IGSF11: variants seen among roughly 807,000 people sequenced by gnomAD.
The protein encoded by IGSF11 is immunoglobulin superfamily member 11.
In IGSF11, 22 loss-of-function variants were observed where a neutral mutation model predicts 41.0. That is an observed-to-expected ratio of 0.54 (90% CI 0.38 to 0.77). The LOEUF is 0.77. Ranked by LOEUF, IGSF11 falls within the 30% of genes least tolerant of loss-of-function variation. IGSF11 has a pLI of 0.00. For missense variants in IGSF11, 444 were observed against 530.8 expected, an observed-to-expected ratio of 0.84 and a Z score of 1.61; for synonymous variants, 219 against 201.3, an observed-to-expected ratio of 1.09 and a Z score of -0.74.
chr3:119,134,794 C>T lies in IGSF11; in HGVS notation c.-14+11019G>A, dbSNP rs1269346997. 2.0e-5 allele frequency among the ~76,000 whole-genome samples: 3 copies of T among 152,286 alleles called. No individual in the cohort carries two copies. In the East Asian group the frequency reaches 5.8e-4, roughly 29 times the overall value. On this transcript the variant is annotated intron_variant, in intron 1 of 7. Transcript: ENST00000425327. ...AACAAAGCTGGAGGCATCACGCTAC[C>T]TGACTTCAAACTATACTACAAGGCT... is the stretch of plus-strand genomic sequence containing the variant.
At chr3:118,907,877 T>C (rs768816780) in intron 4 of IGSF11, among the ~76,000 whole-genome samples, 20 of 152,216 alleles carry the variant, frequency 1.3e-4, no homozygotes, top group African/African-American at 1.9e-4. Context: ...GATGCACCTA[T>C]AGAATATTTC....
chr3:119,058,475 C>A (rs1158936321), intron 1 of IGSF11, among the ~76,000 whole-genome samples: 1 of 151,492 alleles, frequency 6.6e-6, no homozygotes, highest in Non-Finnish European at 1.5e-5. Context: ...CAGGAAACAA[C>A]AGGTGCTGGA....
intron 1 of IGSF11, among the ~76,000 whole-genome samples, chr3:118,969,405 T>G (rs1933110254): frequency 6.6e-6 from 1 of 152,114 alleles, no homozygotes; most frequent in Non-Finnish European, 1.5e-5. Flanking sequence ...AGTCTCCCAG[T>G]AGACACTAGG....
chr3:119,043,148 G>A (rs1007731857), intron 1 of IGSF11, among the ~76,000 whole-genome samples: 2 of 152,206 alleles, frequency 1.3e-5, no homozygotes, highest in Admixed American at 6.5e-5. Flanking sequence ...ACAATGGCAA[G>A]CCTTTAGCCT....
intron 1 of IGSF11, among the ~76,000 whole-genome samples, chr3:119,126,102 G>C (rs2077401865): frequency 6.6e-6 from 1 of 152,240 alleles, no homozygotes; most frequent in Non-Finnish European, 1.5e-5. Flanking sequence ...CCAGCACTGG[G>C]ACTCACAACT....
At chr3:118,918,846 T>A (rs1262197603) in intron 4 of IGSF11, among the ~76,000 whole-genome samples, 1 of 135,056 alleles carries the variant, frequency 7.4e-6, no homozygotes, top group African/African-American at 3.1e-5. Flanking sequence ...TCACACTACC[T>A]GACTTCAAAC....
chr3:118,928,510 T>C lies in IGSF11; in HGVS notation c.423A>G (p.Leu141=), dbSNP rs774898918. The C allele has an allele frequency of 1.3e-5, 21 of 1,611,108 alleles. No individual in the cohort carries two copies. In the East Asian group the frequency reaches 3.1e-4, roughly 24 times the overall value. Reference sequence around the variant, plus strand: ...GCCAAGGACTCTTGTGTCACTCACCTAACACTGTGAGACCGGTGACCCCAA... The same window carrying C: ...GCCAAGGACTCTTGTGTCACTCACCCAACACTGTGAGACCGGTGACCCCAA... The part of the protein sequence containing the change: ...RNIGVTGLTV[L]VPPSAPHCQI... The change falls in exon 3 of 7, where the codon TTA becomes TTG. Residue 141 remains leucine, a splice_region_variant and synonymous_variant. Transcript: ENST00000393775.
chr3:119,111,777 T>C (rs1214986992), intron 1 of IGSF11, among the ~76,000 whole-genome samples: 1 of 152,220 alleles, frequency 6.6e-6, no homozygotes, highest in African/African-American at 2.4e-5. Context: ...TTGGTGTGGA[T>C]GTTCTTTCTG....
intron 1 of IGSF11, among the ~76,000 whole-genome samples, chr3:118,996,163 A>G (rs1936253629): frequency 6.6e-6 from 1 of 152,234 alleles, no homozygotes; most frequent in South Asian, 2.1e-4. Flanking sequence ...ATCTAAAGAT[A>G]CTTCAAACTT....
In IGSF11 at chr3:119,118,490, A is replaced by G. The variant is rs202246004; in HGVS notation, c.-13-13285T>C. Reference sequence around the variant, plus strand: ...CAAGTCCCTAGGCTGCACACAGCACAGGAACCTTGGGCTCAGCCCACAAAA... The same window carrying G: ...CAAGTCCCTAGGCTGCACACAGCACGGGAACCTTGGGCTCAGCCCACAAAA... On this transcript the variant is annotated intron_variant, in intron 1 of 7. Coordinates refer to the IGSF11 transcript ENST00000425327. Among the ~76,000 whole-genome samples the G allele has an allele frequency of 6.0e-4, 91 of 152,366 alleles. 1 individual carries two copies. In the East Asian group the frequency reaches 0.016, roughly 27 times the overall value.
At chr3:119,081,422 G>A (rs2076584334) in intron 1 of IGSF11, among the ~76,000 whole-genome samples, 1 of 152,052 alleles carries the variant, frequency 6.6e-6, no homozygotes, top group African/African-American at 2.4e-5. Context: ...GGTGAATACT[G>A]AATCCACAAG....
chr3:119,028,443 A>C (rs112426308), intron 1 of IGSF11, among the ~76,000 whole-genome samples: 2 of 152,316 alleles, frequency 1.3e-5, no homozygotes, highest in African/African-American at 2.4e-5. Context: ...TTAAGTAATT[A>C]TCTCTCTTCT....
At chr3:119,049,222 A>T (rs1236939800) in intron 1 of IGSF11, among the ~76,000 whole-genome samples, 2 of 151,608 alleles carry the variant, frequency 1.3e-5, no homozygotes, top group Non-Finnish European at 2.9e-5. Context: ...CTGTTTGCAG[A>T]TGACATGATT....
chr3:118,935,354 G>A (rs1943176993), intron 1 of IGSF11, among the ~76,000 whole-genome samples: 4 of 127,342 alleles, frequency 3.1e-5, no homozygotes, highest in Non-Finnish European at 4.9e-5. Flanking sequence ...ATATATACAT[G>A]TATATACACC....
At chr3:118,907,534 T>C (rs1285691132) in intron 4 of IGSF11, among the ~76,000 whole-genome samples, 1 of 152,094 alleles carries the variant, frequency 6.6e-6, no homozygotes, top group Admixed American at 6.6e-5. Flanking sequence ...GAGAAAATAA[T>C]TGCTGTCTCA....
intron 1 of IGSF11, among the ~76,000 whole-genome samples, chr3:118,999,067 T>C (rs1000191468): frequency 2.0e-5 from 3 of 152,054 alleles, no homozygotes; most frequent in African/African-American, 7.2e-5. Context: ...TATGTAAATA[T>C]ATTAGACTGT....
intron 1 of IGSF11, among the ~76,000 whole-genome samples, chr3:118,946,212 A>G (rs200298421): frequency 1.5e-5 from 2 of 137,926 alleles, no homozygotes; most frequent in Admixed American, 1.8e-4. Flanking sequence ...ACGCACACAC[A>G]CACACACACA....
intron 1 of IGSF11, among the ~76,000 whole-genome samples, chr3:119,054,864 A>G (rs1941761802): frequency 6.6e-6 from 1 of 152,044 alleles, no homozygotes; most frequent in Non-Finnish European, 1.5e-5. Context: ...AGATCTGAGA[A>G]CGGGCAGACT....
At chr3:119,110,473 C>T (rs1421056889) in intron 1 of IGSF11, among the ~76,000 whole-genome samples, 1 of 152,118 alleles carries the variant, frequency 6.6e-6, no homozygotes, top group Non-Finnish European at 1.5e-5. Context: ...TTATTTTGAG[C>T]CTATGTGTGT....
Sources: gnomAD v4.1 joint callset for allele counts (sites outside exome capture counted in the v4.1 genomes callset) on GRCh38, gnomAD v4.1.1 for gene constraint, MANE v1.5 for transcripts, NCBI Gene and HGNC (gene_info 2026-07-23, HGNC 2026-07-21) for gene names.